Variants in NADK observed in about 807,000 individuals in gnomAD.
The protein encoded by NADK is NAD kinase.
Under a neutral mutation model 49.8 loss-of-function variants are expected in NADK, and 22 were observed. The observed-to-expected ratio is 0.44, with a 90% confidence interval of 0.32 to 0.63. NADK has a LOEUF of 0.63. NADK is among the 30% of genes least tolerant of loss of function. NADK has a pLI of 0.06. For missense variants in NADK, 438 were observed against 609.4 expected (o/e 0.72, Z 2.96); for synonymous variants, 268 against 253.7 (o/e 1.06, Z -0.54).
chr1:1,779,474 T>C (rs1372318525), upstream of NADK, among the ~76,000 whole-genome samples: 1 of 152,088 alleles, frequency 6.6e-6, no homozygotes, highest in Non-Finnish European at 1.5e-5. Flanking sequence ...GTCCCCCAGG[T>C]GCCAGACATT....
intron 3 of NADK, chr1:1,758,323 T>C (rs2235537): frequency 0.42 from 657,757 of 1,577,516 alleles, 139,005 homozygotes; most frequent in Middle Eastern, 0.52. Flanking sequence ...CCACAGACCT[T>C]AGCCCATCGC....
chr1:1,758,525 G>A (rs768494539), intron 3 of NADK: 90 of 1,607,336 alleles, frequency 5.6e-5, no homozygotes, highest in Middle Eastern at 1.7e-4. Context: ...ACACGCGGCC[G>A]CCCCATCGGT....
At chr1:1,771,055 A>AATAT (rs112432636) in intron 1 of NADK, among the ~76,000 whole-genome samples, 48 of 132,072 alleles carry the variant, frequency 3.6e-4, no homozygotes, top group African/African-American at 7.3e-4. Flanking sequence ...AAAAAAAAAA[A>AATAT]ATATATATAT....
rs199895128 is a variant in NADK at position 1,768,867 on chromosome 1, AC to A, written c.-40-3422del. ...GAAGGAAAGTTCAGGAACTATGGAC[AC>A]AAGACTGTGGGCCCTATGCTACGGT... On this transcript the variant is annotated intron_variant, in intron 1 of 11. Coordinates refer to ENST00000341426, the MANE Select transcript of NADK (RefSeq NM_023018.5). 1.4e-4 allele frequency among the ~76,000 whole-genome samples: 21 copies of A among 152,354 alleles called. No homozygotes were observed. In the East Asian group the frequency reaches 3.1e-3, roughly 22 times the overall value.
chr1:1,763,727 T>C (rs1474644493), intron 2 of NADK, among the ~76,000 whole-genome samples: 1 of 151,908 alleles, frequency 6.6e-6, no homozygotes, highest in Admixed American at 6.6e-5. Flanking sequence ...GAAGTGGGTG[T>C]TGGGATTTAA....
chr1:1,774,503 C>T (rs553471339), intron 1 of NADK, among the ~76,000 whole-genome samples: 6 of 152,210 alleles, frequency 3.9e-5, no homozygotes, highest in African/African-American at 1.4e-4. Context: ...GATCCGCCCG[C>T]CTTGGCCTCC....
rs183706421 is a variant in NADK at position 1,772,815 on chromosome 1, G to A, written c.-41+5474C>T. On this transcript the variant is annotated intron_variant, in intron 1 of 11. Coordinates refer to ENST00000341426, the MANE Select transcript of NADK (RefSeq NM_023018.5). Reference sequence around the variant, plus strand: ...AGCACTTTCGGAGGCCAAGGCGGGCGGATCACCTGAGGTCAGGAGTTTGAG... The same window carrying A: ...AGCACTTTCGGAGGCCAAGGCGGGCAGATCACCTGAGGTCAGGAGTTTGAG... 3.4e-4 allele frequency among the ~76,000 whole-genome samples: 52 copies of A among 152,064 alleles called. No individual in the cohort carries two copies. The East Asian group carries it at 4.7e-3, about 14-fold the overall frequency.
chr1:1,759,147 C>T (rs112959695), intron 3 of NADK: 1 of 1,557,096 alleles, frequency 6.4e-7, no homozygotes, highest in African/African-American at 1.4e-5. Context: ...CTCAGCTGAG[C>T]CCAGCCAGAG....
intron 1 of NADK, among the ~76,000 whole-genome samples, chr1:1,766,516 C>T (rs548195652): frequency 6.8e-6 from 1 of 147,352 alleles, no homozygotes; most frequent in African/African-American, 2.5e-5. Context: ...ATTTCAAATA[C>T]CCTAGTCCAG....
At chr1:1,753,314 G>A (rs1645389087) in intron 11 of NADK, among the ~76,000 whole-genome samples, 1 of 152,184 alleles carries the variant, frequency 6.6e-6, no homozygotes, top group South Asian at 2.1e-4. Flanking sequence ...CAGGAGGTGG[G>A]TGGGGGTGGG....
chr1:1,757,384 T>C, intron 3 of NADK, 74 bp from the exon 4 acceptor site: 2 of 1,123,574 alleles, frequency 1.8e-6, no homozygotes, highest in South Asian at 1.7e-5. Flanking sequence ...ACTTAGAAAA[T>C]AAAAAAAAAA....
chr1:1,764,371 C>T (rs973202491), intron 2 of NADK, among the ~76,000 whole-genome samples: 1 of 152,182 alleles, frequency 6.6e-6, no homozygotes, highest in African/African-American at 2.4e-5. Context: ...CACCGTCATG[C>T]AAAGCCCGGG....
At chr1:1,756,959 C>G in intron 4 of NADK, 2 of 856,614 alleles carry the variant, frequency 2.3e-6, no homozygotes, top group Non-Finnish European at 4.0e-6. Context: ...TCCAGGGCCA[C>G]GAGCCCACCA....
At chr1:1,755,813 G>A (rs1198534557) in intron 6 of NADK, among the ~76,000 whole-genome samples, 3 of 152,166 alleles carry the variant, frequency 2.0e-5, no homozygotes, top group Non-Finnish European at 4.4e-5. Flanking sequence ...GGGGAGATGG[G>A]GAGAAAAGCA....
At chr1:1,758,261 TC>T in intron 3 of NADK, 1 of 1,347,766 alleles carries the variant, frequency 7.4e-7, no homozygotes, top group Non-Finnish European at 1.0e-6. Context: ...AGTGTGACCG[TC>T]CCACTAACAC....
chr1:1,778,986 G>T (rs887134675), upstream of NADK, among the ~76,000 whole-genome samples: 1 of 152,234 alleles, frequency 6.6e-6, no homozygotes, highest in Non-Finnish European at 1.5e-5. The surrounding 1 kb of genome is among the most constrained non-coding windows in gnomAD (Gnocchi z 4.9). Context: ...TTTGGGAACC[G>T]AAACTTAGAG....
chr1:1,770,010 CAAA>C (rs869140176), intron 1 of NADK, among the ~76,000 whole-genome samples: 1 of 121,706 alleles, frequency 8.2e-6, no homozygotes, highest in Non-Finnish European at 1.8e-5. Context: ...AAAACAAAAA[CAAA>C]AAAATTAGCC....
intron 1 of NADK, among the ~76,000 whole-genome samples, chr1:1,772,967 G>A (rs1192717824): frequency 4.6e-5 from 7 of 151,274 alleles, no homozygotes; most frequent in African/African-American, 1.7e-4. Context: ...CTTGAACCTG[G>A]GAGGGGGAGG....
At position 1,754,200 on chromosome 1, in the gene NADK, C is replaced by A. The variant is rs780824098; in HGVS notation, c.952G>T (p.Val318Leu). ...ITTVQGDGVI[V>L]STPTGSTAYA... ...GCCGTGCTGCCCGTCGGGGTGGACA[C>A]GATCACTCCTGACAGGGACAGGCGC... The change falls in exon 10 of 12, where the codon GTG (valine) becomes TTG (leucine). Residue 318 changes from valine to leucine, a missense_variant. Transcript: ENST00000341426. This position sits in a 1 kb window ranked among gnomAD's most constrained non-coding sequence, Gnocchi z 4.3. 1.5e-5 allele frequency: 24 copies of A among 1,612,772 alleles called. No individual in the cohort carries two copies. Among genetic ancestry groups the A allele is most frequent in the Non-Finnish European group, 1.9e-5 (23 of 1,179,836 alleles).
Sources: allele counts gnomAD v4.1 joint callset (sites outside exome capture counted in the v4.1 genomes callset), GRCh38; gene constraint gnomAD v4.1.1; non-coding constraint Gnocchi (gnomAD v3.1); transcripts MANE v1.5; gene names NCBI Gene and HGNC (gene_info 2026-07-23, HGNC 2026-07-21).